PARP8: variants seen among roughly 807,000 people sequenced by gnomAD.
PARP8 encodes protein mono-ADP-ribosyltransferase PARP8.
Under a neutral mutation model 124.1 loss-of-function variants are expected in PARP8, and 51 were observed. The observed-to-expected ratio is 0.41, with a 90% CI of 0.33 to 0.52. The LOEUF is 0.52. Ranked by LOEUF, PARP8 falls within the 20% of genes least tolerant of loss-of-function variation. The pLI is 0.21. For missense variants in PARP8, 860 were observed against 1,018.9 expected (o/e 0.84, Z 2.12); for synonymous variants, 391 against 361.5 (o/e 1.08, Z -0.93).
intron 14 of PARP8, among the ~76,000 whole-genome samples, chr5:50,811,655 A>T (rs1244980563): frequency 6.6e-6 from 1 of 151,914 alleles, no homozygotes; most frequent in Non-Finnish European, 1.5e-5. Context: ...TTTGTTACCT[A>T]TGTATACATG....
At chr5:50,835,551 A>AT (rs1227916284) in intron 25 of PARP8, among the ~76,000 whole-genome samples, 5 of 152,308 alleles carry the variant, frequency 3.3e-5, no homozygotes, top group Admixed American at 1.3e-4. Flanking sequence ...AGAAAAAAAA[A>AT]GAAAAAAGAA....
intron 2 of PARP8, among the ~76,000 whole-genome samples, chr5:50,697,568 G>A (rs1372385418): frequency 6.6e-6 from 1 of 152,192 alleles, no homozygotes; most frequent in Non-Finnish European, 1.5e-5. Context: ...GGAGTGCAGT[G>A]GCACGATCAT....
intron 2 of PARP8, among the ~76,000 whole-genome samples, chr5:50,671,673 CTTT>C (rs1750037052): frequency 6.6e-6 from 1 of 151,908 alleles, no homozygotes; most frequent in African/African-American, 2.4e-5. Flanking sequence ...TATTAATACT[CTTT>C]TGAGACCTCA....
At chr5:50,783,613 A>G (rs1006625487) in intron 9 of PARP8, among the ~76,000 whole-genome samples, 1 of 152,182 alleles carries the variant, frequency 6.6e-6, no homozygotes, top group South Asian at 2.1e-4. Flanking sequence ...GGCCACCTAC[A>G]TTGTGTTCAG....
chr5:50,782,736 C>G lies in PARP8; in HGVS notation c.670+4086C>G, dbSNP rs368114976. Among the ~76,000 whole-genome samples the G allele has an allele frequency of 1.2e-4, 18 of 152,148 alleles. No homozygotes were observed. The East Asian group carries it at 2.5e-3, about 21-fold the overall frequency. On this transcript the variant is annotated intron_variant, in intron 9 of 25. Transcript: ENST00000281631. ...CCATTTTACGGTGTGTTGCCTGGGA[C>G]CACTCCTAATATTTGATACTACATC... is the stretch of plus-strand genomic sequence containing the variant.
In PARP8 at chr5:50,690,891, G is replaced by C. The variant is rs185100561; in HGVS notation, c.146+22766G>C. 2.1e-4 allele frequency among the ~76,000 whole-genome samples: 32 copies of C among 152,244 alleles called. No homozygotes were observed. In the East Asian group the frequency reaches 5.2e-3, roughly 25 times the overall value. ...ATTATCCATAGTAGTTCTCTATGCT[G>C]TTTCTACTTCCCTTCTCTACACTTC... On this transcript the variant is annotated intron_variant, in intron 2 of 25. Coordinates refer to ENST00000281631, the MANE Select transcript of PARP8 (RefSeq NM_024615.4).
chr5:50,671,649 G>A (rs1240655910), intron 2 of PARP8, among the ~76,000 whole-genome samples: 1 of 151,730 alleles, frequency 6.6e-6, no homozygotes, highest in Non-Finnish European at 1.5e-5. Context: ...AAATATATAT[G>A]CATCCCCAAA....
At chr5:50,677,236 A>G (rs1012639937) in intron 2 of PARP8, among the ~76,000 whole-genome samples, 2 of 151,928 alleles carry the variant, frequency 1.3e-5, no homozygotes, top group Non-Finnish European at 2.9e-5. Flanking sequence ...CCTAAGCTGA[A>G]TGCTAAAATC....
chr5:50,756,295 T>G (rs1382086388), intron 3 of PARP8, among the ~76,000 whole-genome samples: 6 of 152,140 alleles, frequency 3.9e-5, no homozygotes, highest in East Asian at 1.9e-4. Flanking sequence ...TTTTGTCCAG[T>G]CAGTATGATA....
At chr5:50,773,521 G>A (rs370346006) in intron 7 of PARP8, among the ~76,000 whole-genome samples, 3 of 152,024 alleles carry the variant, frequency 2.0e-5, no homozygotes, top group Non-Finnish European at 2.9e-5. Context: ...ATTCTGTTTC[G>A]TTGGTCTACA....
chr5:50,750,044 C>G, intron 2 of PARP8, 107 bp from the exon 3 acceptor site: 1 of 848,676 alleles, frequency 1.2e-6, no homozygotes, highest in Non-Finnish European at 1.9e-6. Context: ...TTTATACTTA[C>G]ATCTTTATAA....
intron 3 of PARP8, among the ~76,000 whole-genome samples, chr5:50,751,017 C>T (rs1181863252): frequency 6.6e-6 from 1 of 152,012 alleles, no homozygotes; most frequent in Non-Finnish European, 1.5e-5. Flanking sequence ...AAATAAAAGC[C>T]CCACTATTTA....
intron 7 of PARP8, among the ~76,000 whole-genome samples, chr5:50,763,940 C>T (rs1297506928): frequency 6.6e-6 from 1 of 152,162 alleles, no homozygotes; most frequent in Non-Finnish European, 1.5e-5. Context: ...CTCAGTCTGG[C>T]CCCTTTATGC....
chr5:50,835,788 G>A (rs1445824082), intron 25 of PARP8, among the ~76,000 whole-genome samples: 1 of 152,022 alleles, frequency 6.6e-6, no homozygotes, highest in Non-Finnish European at 1.5e-5. Flanking sequence ...TGGCACAGCT[G>A]TATCATAAGA....
intron 2 of PARP8, among the ~76,000 whole-genome samples, chr5:50,746,053 T>C (rs1015616226): frequency 2.0e-5 from 3 of 152,222 alleles, no homozygotes; most frequent in Non-Finnish European, 2.9e-5. Context: ...TTCACTGATA[T>C]GTGCTCATAT....
chr5:50,668,404 T>C (rs1749616860), intron 2 of PARP8: 2 of 393,946 alleles, frequency 5.1e-6, no homozygotes, highest in Admixed American at 7.6e-5. Context: ...CTCAGGCGAT[T>C]TGGGGTTGAT....
intron 9 of PARP8, among the ~76,000 whole-genome samples, chr5:50,785,901 T>A (rs1482116911): frequency 6.6e-6 from 1 of 152,164 alleles, no homozygotes; most frequent in Non-Finnish European, 1.5e-5. Flanking sequence ...TAAGCTCTTA[T>A]ATGTCATCTT....
intron 2 of PARP8, among the ~76,000 whole-genome samples, chr5:50,742,471 A>T (rs972071204): frequency 3.3e-5 from 5 of 152,108 alleles, no homozygotes; most frequent in African/African-American, 1.2e-4. Context: ...GTACAAGGAG[A>T]GGAGTATGAG....
intron 15 of PARP8, among the ~76,000 whole-genome samples, chr5:50,818,882 G>C (rs891350296): frequency 6.6e-6 from 1 of 152,170 alleles, no homozygotes; most frequent in Non-Finnish European, 1.5e-5. Context: ...TAGAATGTTT[G>C]ATGGGCCACT....
Sources: allele counts gnomAD v4.1 joint callset (sites outside exome capture counted in the v4.1 genomes callset), GRCh38; gene constraint gnomAD v4.1.1; transcripts MANE v1.5; gene names NCBI Gene and HGNC (gene_info 2026-07-23, HGNC 2026-07-21).